The following RABGAP1L variants were observed in gnomAD, a reference collection of about 807,000 sequenced individuals.
The protein encoded by RABGAP1L is RAB GTPase activating protein 1 like.
RABGAP1L carries 63 observed loss-of-function variants against 137.7 expected under a neutral mutation model. That is an observed-to-expected ratio of 0.46 (90% confidence interval 0.37 to 0.56). RABGAP1L has a LOEUF of 0.56. Among genes scored for constraint, RABGAP1L ranks in the 20% least tolerant of loss-of-function variants. The pLI is 0.00. For synonymous variants in RABGAP1L, 431 were observed against 433.7 expected (o/e 0.99, Z 0.08); for missense variants, 1,095 against 1,244.0 (o/e 0.88, Z 1.80).
chr1:174,811,010 G>A (rs549054453), intron 18 of RABGAP1L, among the ~76,000 whole-genome samples: 39 of 152,210 alleles, frequency 2.6e-4, no homozygotes, highest in African/African-American at 8.2e-4. Flanking sequence ...GCTGAGGCGG[G>A]AGGATCACTT....
At chr1:174,879,726 G>A (rs1653831053) in intron 19 of RABGAP1L, among the ~76,000 whole-genome samples, 2 of 151,824 alleles carry the variant, frequency 1.3e-5, no homozygotes, top group African/African-American at 4.8e-5. Context: ...AGAATCAGCT[G>A]GAAGACAAAA....
At position 174,305,149 on chromosome 1, in the gene RABGAP1L, G is replaced by A. The variant is rs1055079743; in HGVS notation, c.1465+22G>A. Reference sequence around the variant, plus strand: ...GAGGGTAAGAAGTTGGACTTACTCAGTTTATTCTGTCTGTATAGCTGCTTT... The same window carrying A: ...GAGGGTAAGAAGTTGGACTTACTCAATTTATTCTGTCTGTATAGCTGCTTT... On this transcript the variant is annotated intron_variant, in intron 11 of 25. Coordinates refer to ENST00000681986, the MANE Select transcript of RABGAP1L (RefSeq NM_001366446.1). 9.9e-6 allele frequency: 15 copies of A among 1,508,166 alleles called. No homozygotes were observed. In the African/African-American group the frequency reaches 1.8e-4, roughly 18 times the overall value. The allele number at this position is 1,508,166 out of a possible 1,614,324, so 93.4% of individuals were successfully genotyped here.
chr1:174,586,715 A>G (rs950329595), intron 13 of RABGAP1L, among the ~76,000 whole-genome samples: 1 of 152,222 alleles, frequency 6.6e-6, no homozygotes, highest in Admixed American at 6.5e-5. Flanking sequence ...CTCCTGCCTC[A>G]GCCTCCCAAG....
At chr1:174,479,453 A>G (rs1658849150) in intron 13 of RABGAP1L, among the ~76,000 whole-genome samples, 1 of 151,558 alleles carries the variant, frequency 6.6e-6, no homozygotes, top group African/African-American at 2.4e-5. Flanking sequence ...ACTTTTGAAA[A>G]CTCCTCAGAT....
chr1:174,175,648 C>T (rs1310445329), intron 1 of RABGAP1L, among the ~76,000 whole-genome samples: 1 of 133,210 alleles, frequency 7.5e-6, no homozygotes, highest in African/African-American at 2.9e-5. Context: ...TTTTTTGAGA[C>T]GGAGTCTTGC....
At chr1:174,922,186 T>A (rs1269051821) in intron 19 of RABGAP1L, 1 of 152,272 alleles carries the variant, frequency 6.6e-6, no homozygotes, top group Admixed American at 6.5e-5. Context: ...TAAGAACAAT[T>A]CCTGTCTACC....
intron 12 of RABGAP1L, among the ~76,000 whole-genome samples, chr1:174,381,971 T>G (rs1280343530): frequency 3.5e-5 from 1 of 28,830 alleles, no homozygotes; most frequent in African/African-American, 1.9e-4. Context: ...AGGAGCTCTT[T>G]TAGGGCAGGC....
chr1:174,172,231 ATTCT>A (rs1024909286), intron 1 of RABGAP1L, among the ~76,000 whole-genome samples: 5 of 137,138 alleles, frequency 3.6e-5, no homozygotes, highest in African/African-American at 1.1e-4. Flanking sequence ...TATGCCACAA[ATTCT>A]TTATCTGTTC....
chr1:174,544,132 ATGTTGGCCTGCCTTGCT>A (rs1665763603), intron 13 of RABGAP1L, among the ~76,000 whole-genome samples: 1 of 152,010 alleles, frequency 6.6e-6, no homozygotes, highest in African/African-American at 2.4e-5. Context: ...CTGAATTTGA[ATGTTGGCCTGCCTTGCT>A]AGGTTGGGTA....
intron 12 of RABGAP1L, among the ~76,000 whole-genome samples, chr1:174,392,458 G>A (rs1006010454): frequency 1.1e-4 from 16 of 152,214 alleles, no homozygotes; most frequent in African/African-American, 3.6e-4. Context: ...TATAAACTCT[G>A]CCTTTCTCTA....
chr1:174,190,109 C>G (rs2148332894), intron 1 of RABGAP1L, among the ~76,000 whole-genome samples: 1 of 152,160 alleles, frequency 6.6e-6, no homozygotes, highest in African/African-American at 2.4e-5. Flanking sequence ...TGAAGACCAT[C>G]CTGGCCAACA....
intron 13 of RABGAP1L, among the ~76,000 whole-genome samples, chr1:174,434,125 A>ACACT (rs1477944263): frequency 6.6e-6 from 1 of 151,526 alleles, no homozygotes; most frequent in Non-Finnish European, 1.5e-5. Flanking sequence ...ACACACACAC[A>ACACT]CACACACACA....
intron 13 of RABGAP1L, among the ~76,000 whole-genome samples, chr1:174,487,633 AT>A (rs1208363884): frequency 1.3e-5 from 2 of 152,058 alleles, no homozygotes; most frequent in Non-Finnish European, 2.9e-5. Flanking sequence ...CAATGTTATT[AT>A]TGGTAATTAA....
chr1:174,349,176 C>T (rs1185500602), intron 11 of RABGAP1L, among the ~76,000 whole-genome samples: 126 of 119,102 alleles, frequency 1.1e-3, no homozygotes, highest in Middle Eastern at 0.011. Context: ...TAGGGGCGGC[C>T]GGGCAGAGGC....
At chr1:174,731,526 C>T (rs543736482) in intron 17 of RABGAP1L, among the ~76,000 whole-genome samples, 8 of 151,906 alleles carry the variant, frequency 5.3e-5, no homozygotes, top group African/African-American at 1.9e-4. Flanking sequence ...TATTTTTTTT[C>T]TAGTGGATAA....
intron 22 of RABGAP1L, among the ~76,000 whole-genome samples, chr1:174,978,338 C>G (rs1353197328): frequency 1.3e-5 from 2 of 152,302 alleles, no homozygotes; most frequent in African/African-American, 4.8e-5. Context: ...TTTTCTAACT[C>G]TAGTCCCCAA....
chr1:174,482,602 G>T (rs1456475411), intron 13 of RABGAP1L, among the ~76,000 whole-genome samples: 1 of 152,134 alleles, frequency 6.6e-6, no homozygotes, highest in African/African-American at 2.4e-5. Context: ...AAATGCTCCT[G>T]CCTTAGCCTC....
At chr1:174,863,566 G>A (rs550488766) in intron 19 of RABGAP1L, among the ~76,000 whole-genome samples, 94 of 151,834 alleles carry the variant, frequency 6.2e-4, no homozygotes, top group African/African-American at 2.1e-3. Flanking sequence ...CCAGCTACTC[G>A]GGAGGCTGAG....
intron 19 of RABGAP1L, among the ~76,000 whole-genome samples, chr1:174,931,943 A>G (rs931335027): frequency 6.8e-6 from 1 of 147,160 alleles, no homozygotes; most frequent in African/African-American, 2.5e-5. Context: ...CCTGCTTACC[A>G]TTAAAATAAG....
Sources: gnomAD v4.1 joint callset for allele counts (sites outside exome capture counted in the v4.1 genomes callset) on GRCh38, gnomAD v4.1.1 for gene constraint, MANE v1.5 for transcripts, NCBI Gene and HGNC (gene_info 2026-07-23, HGNC 2026-07-21) for gene names.